KIAA1217: variants seen among roughly 807,000 people sequenced by gnomAD.
The protein encoded by KIAA1217 is KIAA1217, also known as sickle tail protein homolog.
A neutral mutation model predicts 163.9 loss-of-function variants in KIAA1217; 88 were observed. The observed-to-expected ratio is 0.54, with a 90% CI of 0.45 to 0.64. The LOEUF is 0.64. KIAA1217 is among the 30% of genes least tolerant of loss of function. KIAA1217 has a pLI of 0.00. For synonymous variants in KIAA1217, 903 were observed against 923.1 expected (o/e 0.98, Z 0.39); for missense variants, 2,372 against 2,475.0 (o/e 0.96, Z 0.88).
At chr10:23,946,105 T>G (rs1015485773) in intron 1 of KIAA1217, among the ~76,000 whole-genome samples, 19 of 152,080 alleles carry the variant, frequency 1.2e-4, no homozygotes, top group Non-Finnish European at 2.5e-4. Flanking sequence ...CACAATTACT[T>G]TTTCAACAAC....
intron 2 of KIAA1217, among the ~76,000 whole-genome samples, chr10:24,326,430 A>G (rs1371593712): frequency 6.6e-6 from 1 of 152,196 alleles, no homozygotes; most frequent in Non-Finnish European, 1.5e-5. Flanking sequence ...TAGCTCATGA[A>G]ACATAAATAT....
At chr10:23,992,240 C>T (rs1005311573) in intron 1 of KIAA1217, among the ~76,000 whole-genome samples, 7 of 152,042 alleles carry the variant, frequency 4.6e-5, no homozygotes, top group African/African-American at 1.7e-4. Context: ...ATTCAGAAGT[C>T]CATTCAAAAA....
chr10:23,781,458 G>A (rs1835255765), intron 1 of KIAA1217, among the ~76,000 whole-genome samples: 1 of 152,090 alleles, frequency 6.6e-6, no homozygotes, highest in Non-Finnish European at 1.5e-5. Flanking sequence ...TTAAGATTGT[G>A]AGTTCCTTAT....
At chr10:23,755,234 A>G (rs934407251) in intron 1 of KIAA1217, among the ~76,000 whole-genome samples, 18 of 152,188 alleles carry the variant, frequency 1.2e-4, no homozygotes, top group African/African-American at 4.3e-4. Flanking sequence ...TTTGGAGCTT[A>G]TTGAGAGAAA....
At chr10:24,266,301 G>C (rs1286990388) in intron 2 of KIAA1217, among the ~76,000 whole-genome samples, 4 of 152,056 alleles carry the variant, frequency 2.6e-5, no homozygotes, top group Non-Finnish European at 5.9e-5. Flanking sequence ...CTGGTCTCCA[G>C]CTCCTGACCT....
intron 2 of KIAA1217, among the ~76,000 whole-genome samples, chr10:24,303,433 G>T (rs547637944): frequency 6.6e-6 from 1 of 152,276 alleles, no homozygotes; most frequent in East Asian, 1.9e-4. Context: ...GGGACAACAG[G>T]CCATGACTAG....
chr10:24,224,530 A>G (rs1467185584), intron 2 of KIAA1217, among the ~76,000 whole-genome samples: 1 of 151,714 alleles, frequency 6.6e-6, no homozygotes, highest in African/African-American at 2.4e-5. Context: ...TATTTTTAGT[A>G]GAGATGGGGC....
intron 2 of KIAA1217, among the ~76,000 whole-genome samples, chr10:24,315,687 G>C (rs2133156738): frequency 6.6e-6 from 1 of 151,810 alleles, no homozygotes; most frequent in East Asian, 1.9e-4. Flanking sequence ...TCGAAGTCAA[G>C]GCTGCCGCGA....
chr10:24,295,244 AG>A (rs1590701601), intron 2 of KIAA1217, among the ~76,000 whole-genome samples: 1 of 152,202 alleles, frequency 6.6e-6, no homozygotes, highest in East Asian at 1.9e-4. Flanking sequence ...TCCAGGAGTG[AG>A]CATTCCAAGA....
At chr10:24,049,471 A>G (rs1040143630) in intron 2 of KIAA1217, among the ~76,000 whole-genome samples, 4 of 152,150 alleles carry the variant, frequency 2.6e-5, no homozygotes, top group Admixed American at 1.3e-4. Flanking sequence ...GTTTTGTTAC[A>G]TAGGTATAGA....
chr10:23,878,887 G>C (rs773701142), intron 1 of KIAA1217, among the ~76,000 whole-genome samples: 1 of 151,858 alleles, frequency 6.6e-6, no homozygotes, highest in South Asian at 2.1e-4. Flanking sequence ...GGTTGACTCC[G>C]AAGTTTTTGG....
chr10:24,315,963 AGC>A (rs2043309376), intron 2 of KIAA1217, among the ~76,000 whole-genome samples: 2 of 151,798 alleles, frequency 1.3e-5, no homozygotes, highest in African/African-American at 2.4e-5. Flanking sequence ...TTTTAAAGAC[AGC>A]CAGTATAATT....
At chr10:23,855,261 T>C (rs1469876309) in intron 1 of KIAA1217, among the ~76,000 whole-genome samples, 5 of 152,154 alleles carry the variant, frequency 3.3e-5, no homozygotes, top group Non-Finnish European at 5.9e-5. Context: ...TTTTATTTCT[T>C]CTTTACTTAT....
intron 1 of KIAA1217, among the ~76,000 whole-genome samples, chr10:23,904,302 G>A (rs187988747): frequency 6.6e-6 from 1 of 152,274 alleles, no homozygotes; most frequent in Non-Finnish European, 1.5e-5. Context: ...TTTAGCTGTA[G>A]TCTTCTCTTA....
chr10:24,516,771 GT>G (rs972028761), intron 10 of KIAA1217, among the ~76,000 whole-genome samples: 1 of 152,208 alleles, frequency 6.6e-6, no homozygotes, highest in Non-Finnish European at 1.5e-5. Context: ...GAACCACATA[GT>G]AGAAGTAAGA....
chr10:23,899,684 G>T (rs1459163004), intron 1 of KIAA1217, among the ~76,000 whole-genome samples: 4 of 152,024 alleles, frequency 2.6e-5, no homozygotes, highest in African/African-American at 4.8e-5. Context: ...TTGAATGAAA[G>T]GTATCATGCG....
At chr10:23,942,780 C>T (rs1484367322) in intron 1 of KIAA1217, among the ~76,000 whole-genome samples, 2 of 152,036 alleles carry the variant, frequency 1.3e-5, no homozygotes, top group Non-Finnish European at 2.9e-5. Context: ...CTATTCAACA[C>T]AGTATTGAAA....
At chr10:24,147,025 A>G (rs1021669804) in intron 2 of KIAA1217, among the ~76,000 whole-genome samples, 2 of 151,804 alleles carry the variant, frequency 1.3e-5, no homozygotes, top group Non-Finnish European at 2.9e-5. Flanking sequence ...AAAAAAAAAA[A>G]AAAAAACAGT....
intron 2 of KIAA1217, among the ~76,000 whole-genome samples, chr10:24,108,745 T>C (rs1181484736): frequency 6.6e-6 from 1 of 152,120 alleles, no homozygotes; most frequent in African/African-American, 2.4e-5. Flanking sequence ...GGCCCCTCAA[T>C]TGGAAAGTAG....
Sources: allele counts gnomAD v4.1 joint callset (sites outside exome capture counted in the v4.1 genomes callset), GRCh38; gene constraint gnomAD v4.1.1; transcripts MANE v1.5; gene names NCBI Gene and HGNC (gene_info 2026-07-23, HGNC 2026-07-21).